Variants in PCDHGA1 observed in about 807,000 individuals in gnomAD.
PCDHGA1 encodes the protein protocadherin gamma subfamily A, 1.
In PCDHGA1, 32 loss-of-function variants were observed where a neutral mutation model predicts 58.0. The ratio of observed to expected loss-of-function variants is 0.55; its 90% CI spans 0.42 to 0.74. The LOEUF is 0.74. Ranked by LOEUF, PCDHGA1 falls within the 30% of genes least tolerant of loss-of-function variation. The pLI is 0.00. For synonymous variants in PCDHGA1, 498 were observed against 501.1 expected (o/e 0.99, Z 0.08); for missense variants, 1,205 against 1,182.3 (o/e 1.02, Z -0.28).
intron 1 of PCDHGA1, chr5:141,371,737 A>G (rs762168645): frequency 6.2e-7 from 1 of 1,614,038 alleles, no homozygotes; most frequent in South Asian, 1.1e-5. Context: ...GTCAACGACA[A>G]CGTTCCCGTT....
At chr5:141,423,500 T>A (rs1191111288) in intron 1 of PCDHGA1, 1 of 1,613,732 alleles carries the variant, frequency 6.2e-7, no homozygotes, top group Non-Finnish European at 8.5e-7. Flanking sequence ...TCCCACGAGG[T>A]CTCTCTCATT....
chr5:141,399,411 C>G lies in PCDHGA1; in HGVS notation c.2421+66306C>G, dbSNP rs375057054. 3.4e-5 allele frequency: 55 copies of G among 1,613,900 alleles called. No individual in the cohort carries two copies. In the African/African-American group the frequency reaches 5.3e-4, roughly 16 times the overall value. On this transcript the variant is annotated intron_variant, in intron 1 of 3. Transcript: ENST00000517417. ...CCACAGACAGGGGCAAGCCGCCCCT[C>G]TCCTCCAGCATAAGCGTCATCCTAC...
chr5:141,360,609 G>C, intron 1 of PCDHGA1: 1 of 1,613,936 alleles, frequency 6.2e-7, no homozygotes, highest in Non-Finnish European at 8.5e-7. Flanking sequence ...ACCCAGCCCT[G>C]GATTCAGATG....
intron 1 of PCDHGA1, chr5:141,357,257 A>G (rs1239209097): frequency 6.2e-7 from 1 of 1,612,430 alleles, no homozygotes; most frequent in Non-Finnish European, 8.5e-7. Flanking sequence ...GACCCAGACG[A>G]CTCGGGCCTC....
At position 141,330,637 on chromosome 5, in the gene PCDHGA1, C is replaced by T. The variant is rs545103352; in HGVS notation, c.-48C>T. 6.6e-7 allele frequency: 1 copy of T among 1,520,716 alleles called. No homozygotes were observed. The highest frequency in any genetic ancestry group is 1.4e-5 in the African/African-American group (1 of 71,850). 94.2% of individuals were successfully genotyped at this position (1,520,716 alleles called of 1,614,324 possible). On this transcript the variant is annotated 5_prime_UTR_variant, in exon 1 of 4. The change creates a new upstream start codon in the 5' untranslated region. Coordinates refer to ENST00000517417, the MANE Select transcript of PCDHGA1 (RefSeq NM_018912.3). Reference sequence around the variant, plus strand: ...TAATTTCAGCTCAGAAAAGCAGAAACGATACCCTTGGTACTGGACTGGAAG... The same window carrying T: ...TAATTTCAGCTCAGAAAAGCAGAAATGATACCCTTGGTACTGGACTGGAAG...
intron 1 of PCDHGA1, chr5:141,402,889 G>A: frequency 1.3e-6 from 2 of 1,493,808 alleles, no homozygotes; most frequent in South Asian, 1.4e-5. Context: ...CAGGGTGGAA[G>A]AAAGAACCTG....
intron 1 of PCDHGA1, chr5:141,410,288 T>G: frequency 6.2e-7 from 1 of 1,614,044 alleles, no homozygotes; most frequent in Non-Finnish European, 8.5e-7. Context: ...GGTGGTGGCC[T>G]TGGCCTTAAT....
chr5:141,334,761 C>T lies in PCDHGA1; in HGVS notation c.2421+1656C>T, dbSNP rs1756531349. 1 of 152,140 alleles carries T rather than the reference C, an allele frequency of 6.6e-6. No homozygotes were observed. The allele number at this position is 152,140 out of a possible 1,614,324, so 9.4% of individuals were successfully genotyped here. ...ATGTGAGCTGTGGTATCCAGAATAT[C>T]ACTGCTGTGCATCATTAAAGCGTCA... On this transcript the variant is annotated intron_variant, in intron 1 of 3. Coordinates refer to ENST00000517417, the MANE Select transcript of PCDHGA1 (RefSeq NM_018912.3). This position sits in a 1 kb window ranked among gnomAD's most constrained non-coding sequence, Gnocchi z 4.6.
chr5:141,427,151 G>A (rs1481629222), intron 1 of PCDHGA1: 1 of 456,934 alleles, frequency 2.2e-6, no homozygotes, highest in Admixed American at 2.3e-5. Flanking sequence ...TTGGAAATAT[G>A]TTTGTGCTAG....
chr5:141,364,879 A>C (rs1457697682), intron 1 of PCDHGA1: 3 of 1,613,862 alleles, frequency 1.9e-6, no homozygotes, highest in Non-Finnish European at 1.7e-6. Flanking sequence ...TGGATGTGGT[A>C]AGCGGAACTG....
rs747671382 is a variant in PCDHGA1 at position 141,444,152 on chromosome 5, A to ATTTTTTTT, written c.2422-50626_2422-50619dup. ...GATATGTGTCACTTGTGTGTACTGG[A>ATTTTTTTT]TTTTTTTTTTTTTTTTTTTTTTTTT... On this transcript the variant is annotated intron_variant, in intron 1 of 3. Transcript: ENST00000517417. Among the ~76,000 whole-genome samples, 8 of 33,898 alleles carry ATTTTTTTT rather than the reference A, an allele frequency of 2.4e-4. 3 individuals are homozygous for ATTTTTTTT. Among genetic ancestry groups the ATTTTTTTT allele is most frequent in the African/African-American group, 5.6e-4 (4 of 7,184 alleles). The allele number at this position is 33,898 out of a possible 152,430, so 22.2% of individuals were successfully genotyped here.
At chr5:141,423,669 T>C in intron 1 of PCDHGA1, 1 of 1,554,480 alleles carries the variant, frequency 6.4e-7, no homozygotes, top group Non-Finnish European at 8.7e-7. Flanking sequence ...AGGTGAGATT[T>C]ATTTCTCTGC....
intron 1 of PCDHGA1, among the ~76,000 whole-genome samples, chr5:141,449,868 T>C (rs902371897): frequency 1.3e-5 from 2 of 151,910 alleles, no homozygotes; most frequent in African/African-American, 4.8e-5. Flanking sequence ...AATCAGAAAA[T>C]TTAACATCAA....
intron 1 of PCDHGA1, chr5:141,388,397 A>G (rs375367492): frequency 2.9e-4 from 463 of 1,613,838 alleles, no homozygotes; most frequent in Non-Finnish European, 3.7e-4. Context: ...AGAATTACCA[A>G]CTCAGTCCCA....
At chr5:141,502,552 T>C (rs1217408446) in intron 2 of PCDHGA1, among the ~76,000 whole-genome samples, 1 of 152,146 alleles carries the variant, frequency 6.6e-6, no homozygotes, top group Non-Finnish European at 1.5e-5. Context: ...AAAAACAGTG[T>C]CCCAGATCTC....
chr5:141,441,954 C>T, intron 1 of PCDHGA1: 1 of 319,608 alleles, frequency 3.1e-6, no homozygotes, highest in Non-Finnish European at 6.0e-6. Context: ...TGCAGGCCAG[C>T]AAGCCCAGGC....
rs559316235 is a variant in PCDHGA1, at chr5:141,398,652, C to T, written c.2421+65547C>T. 27 of 1,613,990 alleles carry T rather than the reference C, an allele frequency of 1.7e-5. No homozygotes were observed. The East Asian group carries it at 5.1e-4, about 31-fold the overall frequency. ...TGCAGAAGTATAAACTCTCTCTTAA[C>T]CCAAGTTTCTCATTAATAATTAAGG... On this transcript the variant is annotated intron_variant, in intron 1 of 3. Coordinates refer to ENST00000517417, the MANE Select transcript of PCDHGA1 (RefSeq NM_018912.3).
intron 1 of PCDHGA1, chr5:141,357,163 T>TCGGCCA: frequency 6.2e-7 from 1 of 1,613,606 alleles, no homozygotes; most frequent in Non-Finnish European, 8.5e-7. Flanking sequence ...GCCCCCTCTC[T>TCGGCCA]CGGCCACCGT....
In PCDHGA1 at chr5:141,363,308, G is replaced by A. The variant is rs144371866; in HGVS notation, c.2421+30203G>A. ...ATTATATAGAATTTTTATTTTCTTA[G>A]TTTTCTATGAAAGTGTTATTAAATA... On this transcript the variant is annotated intron_variant, in intron 1 of 3. Transcript: ENST00000517417. Among the ~76,000 whole-genome samples, 211 of 152,094 alleles carry A rather than the reference G, an allele frequency of 1.4e-3. 2 individuals carry two copies. Among genetic ancestry groups the A allele is most frequent in the African/African-American group, 5.0e-3 (207 of 41,486 alleles).
Sources: allele counts gnomAD v4.1 joint callset (sites outside exome capture counted in the v4.1 genomes callset), GRCh38; gene constraint gnomAD v4.1.1; non-coding constraint Gnocchi (gnomAD v3.1); transcripts MANE v1.5; gene names NCBI Gene and HGNC (gene_info 2026-07-23, HGNC 2026-07-21).